The following AP2B1 variants were observed in gnomAD, a reference collection of about 807,000 sequenced individuals.
The protein encoded by AP2B1 is adaptor related protein complex 2 subunit beta 1.
Under a neutral mutation model 102.0 loss-of-function variants are expected in AP2B1, and 23 were observed. The ratio of observed to expected loss-of-function variants is 0.23; its 90% CI spans 0.16 to 0.32. The LOEUF is 0.32. Among genes scored for constraint, AP2B1 ranks in the 10% least tolerant of loss-of-function variants. AP2B1 has a pLI of 1.00. For missense variants in AP2B1, 541 were observed against 1,157.4 expected, an observed-to-expected ratio of 0.47 and a Z score of 7.73; for synonymous variants, 381 against 421.2, an observed-to-expected ratio of 0.90 and a Z score of 1.17.
At chr17:35,624,170 A>G (rs1412155069) in intron 5 of AP2B1, among the ~76,000 whole-genome samples, 1 of 152,196 alleles carries the variant, frequency 6.6e-6, no homozygotes, top group Non-Finnish European at 1.5e-5. Context: ...TGACTCTGCT[A>G]ATATATGAAT....
chr17:35,594,513 G>A (rs1398698515), intron 2 of AP2B1, among the ~76,000 whole-genome samples: 1 of 152,142 alleles, frequency 6.6e-6, no homozygotes, highest in Non-Finnish European at 1.5e-5. Flanking sequence ...AAGGGAACTT[G>A]GTGTATATCC....
chr17:35,609,818 T>C (rs574511260), intron 5 of AP2B1, among the ~76,000 whole-genome samples: 1 of 152,338 alleles, frequency 6.6e-6, no homozygotes, highest in South Asian at 2.1e-4. Flanking sequence ...ATAGATGCTG[T>C]CTCTCATTTG....
intron 9 of AP2B1, among the ~76,000 whole-genome samples, chr17:35,632,729 A>G (rs2074496946): frequency 6.6e-6 from 1 of 151,878 alleles, no homozygotes; most frequent in South Asian, 2.1e-4. Context: ...TATCCCTGAC[A>G]TAAATGTTTT....
At chr17:35,696,595 G>A (rs1275999116) in intron 18 of AP2B1, among the ~76,000 whole-genome samples, 2 of 151,642 alleles carry the variant, frequency 1.3e-5, no homozygotes, top group Non-Finnish European at 2.9e-5. Context: ...CGTCATGTTG[G>A]CCAGGCTGGT....
At chr17:35,612,878 G>GCACACACACA (rs777131172) in intron 5 of AP2B1, among the ~76,000 whole-genome samples, 320 of 79,788 alleles carry the variant, frequency 4.0e-3, no homozygotes, top group Admixed American at 0.013. Flanking sequence ...ATGTGTATGT[G>GCACACACACA]CGCACACACA....
At chr17:35,673,990 A>G (rs528559686) in intron 16 of AP2B1, among the ~76,000 whole-genome samples, 186 bp from the exon 17 acceptor site, 1 of 152,342 alleles carries the variant, frequency 6.6e-6, no homozygotes, top group South Asian at 2.1e-4. Flanking sequence ...AAATTCAGAA[A>G]ATAAGACTCT....
chr17:35,692,046 A>G (rs1181020811), intron 18 of AP2B1, among the ~76,000 whole-genome samples: 1 of 152,186 alleles, frequency 6.6e-6, no homozygotes, highest in Non-Finnish European at 1.5e-5. Context: ...GCACTCAACT[A>G]CTGGTTTCTG....
intron 17 of AP2B1, among the ~76,000 whole-genome samples, chr17:35,680,750 G>A (rs1044175728): frequency 6.8e-6 from 1 of 147,190 alleles, no homozygotes; most frequent in Non-Finnish European, 1.5e-5. Context: ...AGCCTGGAGT[G>A]CAGTGGCACA....
At chr17:35,619,494 A>G (rs1259480002) in intron 5 of AP2B1, among the ~76,000 whole-genome samples, 1 of 152,032 alleles carries the variant, frequency 6.6e-6, no homozygotes, top group African/African-American at 2.4e-5. Context: ...AAAAAAAACA[A>G]AAACAACCAG....
At chr17:35,629,161 T>C (rs1405259371) in intron 9 of AP2B1, among the ~76,000 whole-genome samples, 6 of 152,262 alleles carry the variant, frequency 3.9e-5, no homozygotes, top group Non-Finnish European at 7.4e-5. Flanking sequence ...TTGGCTGGGC[T>C]GGTCTTGAAC....
At chr17:35,645,686 C>T (rs2074912759) in intron 12 of AP2B1, among the ~76,000 whole-genome samples, 1 of 152,032 alleles carries the variant, frequency 6.6e-6, no homozygotes, top group Non-Finnish European at 1.5e-5. Flanking sequence ...CCCATCTCTA[C>T]TAAAAATATA....
At chr17:35,717,918 G>A (rs2085226155) in intron 21 of AP2B1, among the ~76,000 whole-genome samples, 1 of 152,170 alleles carries the variant, frequency 6.6e-6, no homozygotes, top group African/African-American at 2.4e-5. Flanking sequence ...TAAAACTTCT[G>A]GCAATAATAA....
At chr17:35,716,215 G>A (rs1355043286) in intron 20 of AP2B1, among the ~76,000 whole-genome samples, 1 of 152,148 alleles carries the variant, frequency 6.6e-6, no homozygotes, top group African/African-American at 2.4e-5. Flanking sequence ...CTTGAAGTAG[G>A]CATGAGTAAT....
intron 14 of AP2B1, among the ~76,000 whole-genome samples, chr17:35,659,259 C>T (rs2075305336): frequency 6.6e-6 from 1 of 152,092 alleles, no homozygotes; most frequent in Admixed American, 6.5e-5. Flanking sequence ...TATTACATTC[C>T]CTGGTGGGGA....
At chr17:35,719,914 A>C (rs2085306178) in intron 21 of AP2B1, among the ~76,000 whole-genome samples, 1 of 152,148 alleles carries the variant, frequency 6.6e-6, no homozygotes, top group Non-Finnish European at 1.5e-5. Flanking sequence ...TGGCCTAGAA[A>C]ACCCCCAAAA....
intron 9 of AP2B1, 105 bp downstream of exon 9, chr17:35,627,831 C>G: frequency 1.1e-6 from 1 of 941,714 alleles, no homozygotes; most frequent in Non-Finnish European, 1.6e-6. Flanking sequence ...ATAAAGCACA[C>G]AGTTTCAATG....
intron 2 of AP2B1, among the ~76,000 whole-genome samples, chr17:35,595,241 G>A (rs1172735136): frequency 6.6e-6 from 1 of 152,106 alleles, no homozygotes; most frequent in Non-Finnish European, 1.5e-5. Context: ...TGGGTGTGAG[G>A]ATTTTAAAGG....
chr17:35,608,228 C>T lies in AP2B1; in HGVS notation c.366C>T (p.Leu122=), dbSNP rs779752625. 6.8e-6 allele frequency: 11 copies of T among 1,614,146 alleles called. No individual in the cohort carries two copies. In the South Asian group the frequency reaches 1.2e-4, roughly 18 times the overall value. ...GGGTAGACAAAATTACAGAATATCT[C>T]TGTGAGCCGCTCCGCAAGTGCTTGA... is the stretch of plus-strand genomic sequence containing the variant. ...CIRVDKITEY[L]CEPLRKCLKD... Residue 122 remains leucine, a synonymous_variant, in exon 5 of 22, where the codon CTC becomes CTT. Coordinates refer to ENST00000610402, the MANE Select transcript of AP2B1 (RefSeq NM_001030006.2).
chr17:35,714,448 A>T (rs2076512013), intron 20 of AP2B1, among the ~76,000 whole-genome samples: 1 of 152,202 alleles, frequency 6.6e-6, no homozygotes, highest in African/African-American at 2.4e-5. Context: ...GACCTTAGCT[A>T]AAGTAGAAAG....
Sources: allele counts gnomAD v4.1 joint callset (sites outside exome capture counted in the v4.1 genomes callset), GRCh38; gene constraint gnomAD v4.1.1; transcripts MANE v1.5; gene names NCBI Gene and HGNC (gene_info 2026-07-23, HGNC 2026-07-21).